INPP4B: variants seen among roughly 807,000 people sequenced by gnomAD.
INPP4B encodes inositol polyphosphate-4-phosphatase type II B, also known as inositol polyphosphate 4-phosphatase type II.
Under a neutral mutation model 122.5 loss-of-function variants are expected in INPP4B, and 55 were observed. The ratio of observed to expected loss-of-function variants is 0.45; its 90% CI spans 0.36 to 0.56. INPP4B has a LOEUF of 0.56. INPP4B is among the 20% of genes least tolerant of loss of function. The probability of loss-of-function intolerance (pLI) is 0.00; values close to 1 mark genes in which losing one functional copy is unlikely to be tolerated. For missense variants in INPP4B, 1,000 were observed against 1,097.7 expected, an observed-to-expected ratio of 0.91 and a Z score of 1.26; for synonymous variants, 403 against 388.7, an observed-to-expected ratio of 1.04 and a Z score of -0.43.
intron 2 of INPP4B, among the ~76,000 whole-genome samples, chr4:142,505,171 C>T (rs1024784935): frequency 2.7e-4 from 40 of 149,956 alleles, no homozygotes; most frequent in Middle Eastern, 3.2e-3. Flanking sequence ...CCCAGGAATT[C>T]GAGGTTGCAG....
At position 142,748,335 on chromosome 4, in the gene INPP4B, G is replaced by C. The variant is rs536950279; in HGVS notation, c.-253-22434C>G. 6.9e-4 allele frequency among the ~76,000 whole-genome samples: 104 copies of C among 151,808 alleles called. No homozygotes were observed. The Middle Eastern group carries it at 0.017, about 25-fold the overall frequency. On this transcript the variant is annotated intron_variant, in intron 1 of 25. Coordinates refer to ENST00000262992, the MANE Select transcript of INPP4B (RefSeq NM_001101669.3). ...TTTCTGACTTAAAAAAATGAAAAAA[G>C]GAAGAGCAATTTGAACCCAAAGTAA...
intron 12 of INPP4B, among the ~76,000 whole-genome samples, chr4:142,219,119 T>C (rs1187351861): frequency 6.6e-6 from 1 of 152,194 alleles, no homozygotes; most frequent in Non-Finnish European, 1.5e-5. Context: ...GAAAAACAAC[T>C]GAATATTCCA....
intron 10 of INPP4B, among the ~76,000 whole-genome samples, chr4:142,263,647 T>TAG (rs36117851): frequency 1.7e-5 from 1 of 60,138 alleles, no homozygotes; most frequent in Non-Finnish European, 3.0e-5. Context: ...AAAATATATA[T>TAG]ATATATATAT....
chr4:142,512,517 G>C (rs976967341), intron 2 of INPP4B, among the ~76,000 whole-genome samples: 1 of 152,074 alleles, frequency 6.6e-6, no homozygotes. Flanking sequence ...TCTTCTAAAA[G>C]ACCAAGAAAA....
Position 142,401,284 on chromosome 4 carries a change from C to T in INPP4B, c.372+1654G>A, listed in dbSNP as rs139862270. Among the ~76,000 whole-genome samples, 4 of 152,096 alleles carry T rather than the reference C, an allele frequency of 2.6e-5. No homozygotes were observed. In the East Asian group the frequency reaches 5.8e-4, roughly 22 times the overall value. On this transcript the variant is annotated intron_variant, in intron 7 of 25. Transcript: ENST00000262992. ...GAAAACAAAAACAGCAACAAAAAAC[C>T]GTGGGTGAGAGCTCTGGGCATAATT...
intron 12 of INPP4B, among the ~76,000 whole-genome samples, chr4:142,215,057 T>C (rs1846525909): frequency 6.6e-6 from 1 of 152,178 alleles, no homozygotes; most frequent in Admixed American, 6.5e-5. Context: ...TTATACTAGA[T>C]TGTCTAAGTT....
intron 25 of INPP4B, chr4:142,029,740 C>T (rs1738628869): frequency 1.0e-6 from 1 of 991,968 alleles, no homozygotes; most frequent in South Asian, 4.6e-5. Context: ...CTGCAACCTC[C>T]CACATCTCTA....
At position 142,227,202 on chromosome 4, in the gene INPP4B, G is replaced by T. The variant is rs531920488; in HGVS notation, c.836+10662C>A. On this transcript the variant is annotated intron_variant, in intron 12 of 25. Transcript: ENST00000262992. ...CATGAAGAAACACCAGTCTGTAAGG[G>T]ATGGATAGAAAAAGAAGAGTCTACT... is the stretch of plus-strand genomic sequence containing the variant. Among the ~76,000 whole-genome samples the T allele has an allele frequency of 3.9e-5, 6 of 152,224 alleles. No homozygotes were observed. In the East Asian group the frequency reaches 1.2e-3, roughly 30 times the overall value.
chr4:142,209,686 A>G (rs1844044736), intron 12 of INPP4B, among the ~76,000 whole-genome samples: 1 of 151,050 alleles, frequency 6.6e-6, no homozygotes, highest in African/African-American at 2.4e-5. Context: ...CCAACTACTC[A>G]GGAGGCTGAG....
At chr4:142,429,415 T>C (rs1808807598) in intron 4 of INPP4B, among the ~76,000 whole-genome samples, 198 bp from the exon 5 acceptor site, 1 of 152,098 alleles carries the variant, frequency 6.6e-6, no homozygotes. Context: ...TAGATGTGAC[T>C]TAAGATTTGA....
intron 2 of INPP4B, among the ~76,000 whole-genome samples, chr4:142,620,517 G>A (rs1432763331): frequency 6.6e-6 from 1 of 151,888 alleles, no homozygotes; most frequent in East Asian, 1.9e-4. Context: ...ATGGAGTGGG[G>A]GAGGAGAGTG....
chr4:142,692,944 T>TAGATAGATAGAC (rs1560967798), intron 2 of INPP4B, among the ~76,000 whole-genome samples: 5 of 151,594 alleles, frequency 3.3e-5, no homozygotes, highest in African/African-American at 1.2e-4. Context: ...GATACATAGA[T>TAGATAGATAGAC]ACATAGATAG....
At chr4:142,674,923 C>T (rs1448654257) in intron 2 of INPP4B, among the ~76,000 whole-genome samples, 2 of 152,102 alleles carry the variant, frequency 1.3e-5, no homozygotes, top group African/African-American at 4.8e-5. Flanking sequence ...CTAAAATCGA[C>T]ACCCTAAAAT....
At chr4:142,825,904 T>C (rs970267680) in intron 1 of INPP4B, among the ~76,000 whole-genome samples, 4 of 152,150 alleles carry the variant, frequency 2.6e-5, no homozygotes, top group Admixed American at 1.3e-4. Context: ...AAAAGTCCTA[T>C]AATGCTTAAG....
chr4:142,741,916 A>G (rs990361682), intron 1 of INPP4B, among the ~76,000 whole-genome samples: 2 of 151,958 alleles, frequency 1.3e-5, no homozygotes, highest in Non-Finnish European at 2.9e-5. Flanking sequence ...TTTGTCATCT[A>G]GAAGAGACAA....
intron 3 of INPP4B, among the ~76,000 whole-genome samples, chr4:142,438,285 T>A (rs964887282): frequency 3.3e-5 from 5 of 152,218 alleles, no homozygotes; most frequent in African/African-American, 1.2e-4. Flanking sequence ...GGCATCATGT[T>A]ACCTGACTTC....
At chr4:142,615,091 G>A (rs1471441788) in intron 2 of INPP4B, among the ~76,000 whole-genome samples, 3 of 152,088 alleles carry the variant, frequency 2.0e-5, no homozygotes, top group Non-Finnish European at 1.5e-5. Context: ...ACCTGAACTT[G>A]TAAGTTTATC....
chr4:142,383,117 T>G (rs773516848), intron 7 of INPP4B, among the ~76,000 whole-genome samples: 3 of 152,134 alleles, frequency 2.0e-5, no homozygotes, highest in Non-Finnish European at 2.9e-5. Flanking sequence ...TTAAGCCACT[T>G]TTGCTTTCCT....
chr4:142,281,962 C>T (rs1751405492), intron 9 of INPP4B, among the ~76,000 whole-genome samples: 1 of 151,990 alleles, frequency 6.6e-6, no homozygotes, highest in South Asian at 2.1e-4. Flanking sequence ...ATTTATTAAG[C>T]ACTTACTAGT....
Sources: gnomAD v4.1 joint callset for allele counts (sites outside exome capture counted in the v4.1 genomes callset) on GRCh38, gnomAD v4.1.1 for gene constraint, MANE v1.5 for transcripts, NCBI Gene and HGNC (gene_info 2026-07-23, HGNC 2026-07-21) for gene names.